Variants in SORCS1 observed in about 807,000 individuals in gnomAD.
SORCS1 encodes the protein sortilin related VPS10 domain containing receptor 1, also known as VPS10 domain-containing receptor SorCS1.
A neutral mutation model predicts 146.1 loss-of-function variants in SORCS1; 60 were observed. That is an observed-to-expected ratio of 0.41 (90% CI 0.33 to 0.51). SORCS1 has a LOEUF of 0.51. Among genes scored for constraint, SORCS1 ranks in the 20% least tolerant of loss-of-function variants. SORCS1 has a pLI of 0.21. For missense variants in SORCS1, 1,352 were observed against 1,487.6 expected (o/e 0.91, Z 1.50); for synonymous variants, 637 against 584.0 (o/e 1.09, Z -1.31).
At chr10:107,170,402 C>T in the SORCS1 span, among the ~76,000 whole-genome samples, 3 of 152,128 alleles carry the variant, frequency 2.0e-5, no homozygotes, top group Non-Finnish European at 4.4e-5. Flanking sequence ...AAACAAAATG[C>T]TACCTCAAAA....
intron 6 of SORCS1, among the ~76,000 whole-genome samples, chr10:106,716,117 C>A (rs1400837753): frequency 6.6e-6 from 1 of 152,046 alleles, no homozygotes; most frequent in Non-Finnish European, 1.5e-5. Context: ...TTTAAAAACA[C>A]CATGAAAAAA....
chr10:106,712,112 A>G (rs564904520), intron 6 of SORCS1, among the ~76,000 whole-genome samples: 7 of 152,352 alleles, frequency 4.6e-5, no homozygotes, highest in Non-Finnish European at 8.8e-5. Context: ...TGAGACAATG[A>G]GTATTGCTAA....
Position 106,829,744 on chromosome 10 carries a change from G to A in SORCS1, c.627-71C>T, listed in dbSNP as rs1948459730. 2.7e-6 allele frequency: 3 copies of A among 1,104,074 alleles called. No homozygotes were observed. The East Asian group carries it at 7.2e-5, about 26-fold the overall frequency. 68.4% of individuals were successfully genotyped at this position (1,104,074 alleles called of 1,614,324 possible). A position where few individuals can be genotyped will look rare whatever the true frequency, so the allele number is the denominator to read the frequency against. On this transcript the variant is annotated intron_variant, in intron 2 of 25. Coordinates refer to ENST00000263054, the MANE Select transcript of SORCS1 (RefSeq NM_052918.5). ...TTGGCTGCTTGTCAGTATAATGCAT[G>A]CTTTACACAGTAGAATGGCTCTCAG...
chr10:106,660,923 T>C (rs568697545), intron 17 of SORCS1, among the ~76,000 whole-genome samples: 43 of 152,352 alleles, frequency 2.8e-4, no homozygotes, highest in African/African-American at 9.9e-4. Context: ...TCCAGCTTAA[T>C]AGCAGGAAGA....
At chr10:106,656,568 A>G (rs1850308805) in intron 17 of SORCS1, among the ~76,000 whole-genome samples, 1 of 152,186 alleles carries the variant, frequency 6.6e-6, no homozygotes, top group African/African-American at 2.4e-5. Flanking sequence ...GAAAAGAAAA[A>G]AGATGAAGGC....
chr10:106,859,684 C>T (rs1949937586), intron 2 of SORCS1, among the ~76,000 whole-genome samples: 1 of 152,218 alleles, frequency 6.6e-6, no homozygotes, highest in African/African-American at 2.4e-5. Context: ...TGAGTCACTA[C>T]CGGCCAATAT....
intron 18 of SORCS1, among the ~76,000 whole-genome samples, chr10:106,637,014 A>G (rs1482085552): frequency 6.6e-6 from 1 of 152,244 alleles, no homozygotes; most frequent in African/African-American, 2.4e-5. Context: ...CCAGTGTAAT[A>G]TGCCAGGCTC....
At chr10:107,047,241 G>A (rs1185693532) in intron 1 of SORCS1, among the ~76,000 whole-genome samples, 2 of 152,044 alleles carry the variant, frequency 1.3e-5, no homozygotes, top group African/African-American at 2.4e-5. Context: ...TGCCCACCTC[G>A]GCCTCCCAAA....
At chr10:107,116,940 T>C (rs1966077731) in intron 1 of SORCS1, among the ~76,000 whole-genome samples, 1 of 152,170 alleles carries the variant, frequency 6.6e-6, no homozygotes, top group African/African-American at 2.4e-5. Flanking sequence ...TAATGAATAA[T>C]CATAGAAACT....
At chr10:106,579,316 C>T in intron 25 of SORCS1, 53 bp downstream of exon 25, 1 of 1,613,914 alleles carries the variant, frequency 6.2e-7, no homozygotes, top group Non-Finnish European at 8.5e-7. Context: ...CTGAACCTGT[C>T]AGGGAGAAGG....
At chr10:106,579,077 T>G in intron 25 of SORCS1, 1 of 1,613,412 alleles carries the variant, frequency 6.2e-7, no homozygotes, top group East Asian at 2.2e-5. Context: ...TGGTGGCTAC[T>G]GGGAATCATT....
chr10:106,983,742 ATC>A (rs374144530), intron 1 of SORCS1, among the ~76,000 whole-genome samples: 2 of 152,294 alleles, frequency 1.3e-5, no homozygotes, highest in East Asian at 3.9e-4. Flanking sequence ...ATACGCTGCC[ATC>A]TCTGTGTCTG....
chr10:106,920,289 G>C (rs1434845193), intron 2 of SORCS1, among the ~76,000 whole-genome samples: 3 of 152,104 alleles, frequency 2.0e-5, no homozygotes, highest in Admixed American at 2.0e-4. Flanking sequence ...CTTAAAGCAT[G>C]GTCTTTCTTT....
At chr10:106,976,731 C>T (rs1231611668) in intron 1 of SORCS1, among the ~76,000 whole-genome samples, 1 of 152,126 alleles carries the variant, frequency 6.6e-6, no homozygotes, top group African/African-American at 2.4e-5. Flanking sequence ...GTGTGTTGTT[C>T]CCCTCCCTGT....
Position 106,672,957 on chromosome 10 carries a change from C to G in SORCS1, c.1969G>C (p.Glu657Gln), listed in dbSNP as rs1851719153. ...TAATCTACTTTGACCAGCTGCCATT[C>G]AGAGCGGTGGCTGAAGTGTCCAAAC... Reference protein sequence around the residue: ...TVFGHFSHRSEWQLVKVDYKS... With the variant: ...TVFGHFSHRSQWQLVKVDYKS... Residue 657 changes from glutamate (E) to glutamine (Q), a missense_variant, in exon 15 of 26, where the codon GAA (glutamate) becomes CAA (glutamine). Coordinates refer to ENST00000263054, the MANE Select transcript of SORCS1 (RefSeq NM_052918.5). 1 of 1,614,006 alleles carries G rather than the reference C, an allele frequency of 6.2e-7. No individual in the cohort carries two copies. The highest frequency in any genetic ancestry group is 8.5e-7 in the Non-Finnish European group (1 of 1,179,984).
intron 1 of SORCS1, among the ~76,000 whole-genome samples, chr10:107,062,450 A>G (rs1961313948): frequency 6.6e-6 from 1 of 152,042 alleles, no homozygotes; most frequent in Non-Finnish European, 1.5e-5. Context: ...AATTATAAAC[A>G]TAATTATAAT....
upstream of SORCS1, among the ~76,000 whole-genome samples, chr10:107,164,836 G>A (rs1322106035): frequency 3.4e-5 from 5 of 147,140 alleles, no homozygotes; most frequent in African/African-American, 1.2e-4. This position sits in a 1 kb window ranked among gnomAD's most constrained non-coding sequence, Gnocchi z 6.8. Context: ...CGGGACTCCG[G>A]GCGCCGCGTC....
chr10:106,747,714 A>G (rs1294764828), intron 5 of SORCS1, among the ~76,000 whole-genome samples: 3 of 152,212 alleles, frequency 2.0e-5, no homozygotes, highest in Non-Finnish European at 4.4e-5. Flanking sequence ...GATAGGAAGC[A>G]TAAGTGCTCG....
At chr10:106,718,575 G>A (rs891419828) in intron 6 of SORCS1, among the ~76,000 whole-genome samples, 1 of 152,256 alleles carries the variant, frequency 6.6e-6, no homozygotes, top group African/African-American at 2.4e-5. Context: ...GCAGCAGCAA[G>A]ATTTATTGCA....
Sources: allele counts gnomAD v4.1 joint callset (sites outside exome capture counted in the v4.1 genomes callset), GRCh38; gene constraint gnomAD v4.1.1; non-coding constraint Gnocchi (gnomAD v3.1); transcripts MANE v1.5; gene names NCBI Gene and HGNC (gene_info 2026-07-23, HGNC 2026-07-21).